AGMO: variants seen among roughly 807,000 people sequenced by gnomAD.
AGMO encodes the protein glyceryl-ether monooxygenase.
Under a neutral mutation model 60.2 loss-of-function variants are expected in AGMO, and 75 were observed. The ratio of observed to expected loss-of-function variants is 1.25; its 90% CI spans 1.03 to 1.51. The LOEUF (loss-of-function observed/expected upper bound fraction) is 1.51. AGMO is among the 40% of genes most tolerant of loss of function. The probability of loss-of-function intolerance (pLI) is 0.00; values close to 1 mark genes in which losing one functional copy is unlikely to be tolerated. For missense variants in AGMO, 763 were observed against 525.5 expected, an observed-to-expected ratio of 1.45 and a Z score of -4.42; for synonymous variants, 261 against 177.1, an observed-to-expected ratio of 1.47 and a Z score of -3.76.
chr7:15,288,160 A>C (rs1011221376), intron 12 of AGMO, among the ~76,000 whole-genome samples: 19 of 152,010 alleles, frequency 1.2e-4, no homozygotes, highest in African/African-American at 4.4e-4. Context: ...AGTAGCTAGG[A>C]CCACAGGCGC....
At chr7:15,281,957 C>G (rs1177267317) in intron 12 of AGMO, among the ~76,000 whole-genome samples, 3 of 152,070 alleles carry the variant, frequency 2.0e-5, no homozygotes, top group South Asian at 4.1e-4. Context: ...CCTCTATAGC[C>G]TAGGAACCCA....
Position 15,485,081 on chromosome 7 carries a change from G to T in AGMO, c.410-53973C>A, listed in dbSNP as rs975876556. ...GGGAGGCCGAAGCGGGTGGATCATC[G>T]AGGTGAGGAATTCGAGACCAGCCTG... On this transcript the variant is annotated intron_variant, in intron 3 of 12. Coordinates refer to ENST00000342526, the MANE Select transcript of AGMO (RefSeq NM_001004320.2). Among the ~76,000 whole-genome samples the T allele has an allele frequency of 2.1e-4, 31 of 149,700 alleles. 1 individual carries two copies. Among genetic ancestry groups the T allele is most frequent in the Non-Finnish European group, 4.3e-4 (29 of 67,620 alleles).
At chr7:15,282,668 T>C (rs1343377338) in intron 12 of AGMO, among the ~76,000 whole-genome samples, 1 of 152,188 alleles carries the variant, frequency 6.6e-6, no homozygotes, top group East Asian at 1.9e-4. Flanking sequence ...ACTTATTTGA[T>C]GGAATAATTG....
intron 12 of AGMO, among the ~76,000 whole-genome samples, chr7:15,300,744 T>C (rs1359879293): frequency 1.3e-5 from 2 of 152,126 alleles, no homozygotes; most frequent in East Asian, 3.9e-4. Context: ...TGGAGGAAAT[T>C]AGCAAATCTT....
At chr7:15,202,485 A>T (rs1439576928) in intron 12 of AGMO, among the ~76,000 whole-genome samples, 1 of 137,424 alleles carries the variant, frequency 7.3e-6, no homozygotes, top group African/African-American at 2.7e-5. Flanking sequence ...AAAAAAAAAA[A>T]AAAACCCTCC....
intron 3 of AGMO, among the ~76,000 whole-genome samples, chr7:15,458,157 A>G (rs1211739660): frequency 6.6e-6 from 1 of 152,114 alleles, no homozygotes; most frequent in East Asian, 1.9e-4. Context: ...GCCAAATACA[A>G]CTACAGCCCA....
intron 3 of AGMO, among the ~76,000 whole-genome samples, chr7:15,533,830 T>A (rs1784424182): frequency 6.6e-6 from 1 of 152,128 alleles, no homozygotes; most frequent in Non-Finnish European, 1.5e-5. Context: ...TATAAGCACT[T>A]CACATAGAAA....
chr7:15,284,726 C>T (rs1784055502), intron 12 of AGMO, among the ~76,000 whole-genome samples: 1 of 151,834 alleles, frequency 6.6e-6, no homozygotes. Context: ...TCTATGAAGC[C>T]ATTATCACCC....
At chr7:15,177,191 T>G in the AGMO span, among the ~76,000 whole-genome samples, 13 of 152,098 alleles carry the variant, frequency 8.5e-5, no homozygotes, top group Non-Finnish European at 1.5e-4. Flanking sequence ...ATAGCTACAT[T>G]GCTTTTAATG....
chr7:15,371,948 A>AC (rs1783236004), intron 10 of AGMO, among the ~76,000 whole-genome samples: 2 of 152,114 alleles, frequency 1.3e-5, no homozygotes, highest in Non-Finnish European at 2.9e-5. Context: ...ATATTTAAAT[A>AC]TTAAGTACCT....
intron 3 of AGMO, among the ~76,000 whole-genome samples, chr7:15,472,991 C>T (rs1483104444): frequency 6.6e-6 from 1 of 151,746 alleles, no homozygotes; most frequent in Non-Finnish European, 1.5e-5. Context: ...CCAACATGAC[C>T]AAAGCTAATT....
intron 10 of AGMO, among the ~76,000 whole-genome samples, chr7:15,370,009 C>T (rs1783138555): frequency 6.6e-6 from 1 of 152,004 alleles, no homozygotes; most frequent in South Asian, 2.1e-4. Flanking sequence ...ATCCTATCAC[C>T]CAGGTAGTGA....
At chr7:15,209,605 G>A (rs1488195028) in intron 12 of AGMO, among the ~76,000 whole-genome samples, 1 of 152,174 alleles carries the variant, frequency 6.6e-6, no homozygotes, top group Non-Finnish European at 1.5e-5. Context: ...CTTGCAGCTT[G>A]GGGGATTTCT....
intron 3 of AGMO, among the ~76,000 whole-genome samples, chr7:15,484,128 A>G (rs545712300): frequency 4.7e-4 from 71 of 152,282 alleles, no homozygotes; most frequent in Non-Finnish European, 9.0e-4. Flanking sequence ...AAATGATTGC[A>G]CCACTTTATA....
intron 12 of AGMO, among the ~76,000 whole-genome samples, chr7:15,352,146 T>C (rs1366640248): frequency 6.6e-6 from 1 of 151,746 alleles, no homozygotes; most frequent in East Asian, 1.9e-4. Flanking sequence ...TAGAACCATT[T>C]CACGGACTGT....
At chr7:15,481,025 C>T (rs1478025763) in intron 3 of AGMO, among the ~76,000 whole-genome samples, 2 of 140,856 alleles carry the variant, frequency 1.4e-5, no homozygotes, top group African/African-American at 3.0e-5. Context: ...TGTTTATATA[C>T]ATATACATTA....
At position 15,390,724 on chromosome 7, in the gene AGMO, C is replaced by G; in HGVS notation, c.769G>C (p.Val257Leu). 2 of 1,611,376 alleles carry G rather than the reference C, an allele frequency of 1.2e-6. No individual in the cohort carries two copies. The highest frequency in any genetic ancestry group is 1.7e-6 in the Non-Finnish European group (2 of 1,178,346). Residue 257 changes from valine to leucine, a missense_variant, in exon 8 of 13, where the codon GTT becomes CTT. By Grantham distance (32) the Val-to-Leu change is conservative. Coordinates refer to ENST00000342526, the MANE Select transcript of AGMO (RefSeq NM_001004320.2). ...FGTFEAENEK[V>L]VYGLTHPINT... ...ATGGGATGTGTTAAGCCATATACAA[C>G]TTTTTCATTTTCTGCTTCAAATGTC...
At chr7:15,212,783 C>G (rs1781631515) in intron 12 of AGMO, among the ~76,000 whole-genome samples, 1 of 151,846 alleles carries the variant, frequency 6.6e-6, no homozygotes, top group South Asian at 2.1e-4. Flanking sequence ...CCACCTTAGG[C>G]AAGTTATTTA....
chr7:15,226,990 T>C (rs1281972454), intron 12 of AGMO, among the ~76,000 whole-genome samples: 2 of 152,080 alleles, frequency 1.3e-5, no homozygotes, highest in Non-Finnish European at 2.9e-5. Flanking sequence ...GGGAAGAATG[T>C]TGCGTTATTT....
Sources: allele counts gnomAD v4.1 joint callset (sites outside exome capture counted in the v4.1 genomes callset), GRCh38; gene constraint gnomAD v4.1.1; transcripts MANE v1.5; gene names NCBI Gene and HGNC (gene_info 2026-07-23, HGNC 2026-07-21).